RASGRP3: variants seen among roughly 807,000 people sequenced by gnomAD.
RASGRP3 encodes ras guanyl-releasing protein 3.
In RASGRP3, 54 loss-of-function variants were observed where a neutral mutation model predicts 82.7. The ratio of observed to expected loss-of-function variants is 0.65; its 90% CI spans 0.52 to 0.82. RASGRP3 has a LOEUF of 0.82. Among genes scored for constraint, RASGRP3 ranks in the 40% least tolerant of loss-of-function variants. The pLI, the probability that RASGRP3 is intolerant of heterozygous loss-of-function variation, is 0.00. For missense variants in RASGRP3, 861 were observed against 828.9 expected, an observed-to-expected ratio of 1.04 and a Z score of -0.48; for synonymous variants, 309 against 300.5, an observed-to-expected ratio of 1.03 and a Z score of -0.29.
At chr2:33,546,953 G>T (rs1014083111) in intron 13 of RASGRP3, among the ~76,000 whole-genome samples, 48 of 151,330 alleles carry the variant, frequency 3.2e-4, no homozygotes, top group Non-Finnish European at 8.8e-5. Flanking sequence ...GGAGGCTGAG[G>T]CAGGAGAATC....
At position 33,563,077 on chromosome 2, in the gene RASGRP3, A is replaced by G. The variant is rs991889135; in HGVS notation, c.*340A>G. On this transcript the variant is annotated 3_prime_UTR_variant, in exon 18 of 18. Coordinates refer to ENST00000403687, the MANE Select transcript of RASGRP3 (RefSeq NM_001139488.2). ...TGCATGTACTTGATACTCAGTCTGT[A>G]AACTCAGACTTCGCTTTTTTTGTGA... 9 of 302,076 alleles carry G rather than the reference A, an allele frequency of 3.0e-5. No individual in the cohort carries two copies. The highest frequency in any genetic ancestry group is 1.7e-4 in the African/African-American group (8 of 46,484). 18.7% of individuals were successfully genotyped at this position (302,076 alleles called of 1,614,324 possible). A position where few individuals can be genotyped will look rare whatever the true frequency, so the allele number is the denominator to read the frequency against.
intron 14 of RASGRP3, among the ~76,000 whole-genome samples, chr2:33,550,750 C>T (rs553314621): frequency 1.3e-5 from 2 of 152,160 alleles, no homozygotes; most frequent in Non-Finnish European, 2.9e-5. Flanking sequence ...CGATATTATA[C>T]GCTACCAGAA....
At position 33,548,639 on chromosome 2, in the gene RASGRP3, G is replaced by A. The variant is rs1313569198; in HGVS notation, c.1395-965G>A. Among the ~76,000 whole-genome samples the A allele has an allele frequency of 3.3e-5, 5 of 152,052 alleles. No homozygotes were observed. In the East Asian group the frequency reaches 9.6e-4, roughly 29 times the overall value. ...TGAACTGGAAAGGAAAGGTGTGATC[G>A]CCAGCAAATGCTAATGGACAAAGAA... is the stretch of plus-strand genomic sequence containing the variant. On this transcript the variant is annotated intron_variant, in intron 13 of 17. Transcript: ENST00000403687.
At position 33,499,706 on chromosome 2, in the gene RASGRP3, T is replaced by G. The variant is rs74769260; in HGVS notation, c.-260-12004T>G. On this transcript the variant is annotated intron_variant, in intron 1 of 17. Coordinates refer to ENST00000403687, the MANE Select transcript of RASGRP3 (RefSeq NM_001139488.2). ...TAAGGGTCAACTGATTTGGATCAAA[T>G]CACCTGTGTCTTGAGCTATACTCAG... Among the ~76,000 whole-genome samples the G allele has an allele frequency of 2.1e-3, 318 of 151,912 alleles. 6 individuals carry two copies. In the East Asian group the frequency reaches 0.053, roughly 25 times the overall value.
chr2:33,492,775 T>A (rs1284861342), intron 1 of RASGRP3, among the ~76,000 whole-genome samples: 1 of 152,190 alleles, frequency 6.6e-6, no homozygotes, highest in African/African-American at 2.4e-5. Flanking sequence ...ACCAGCTTGT[T>A]AAGACAGGCC....
intron 1 of RASGRP3, among the ~76,000 whole-genome samples, chr2:33,487,305 G>A (rs894098791): frequency 2.0e-5 from 3 of 152,020 alleles, no homozygotes; most frequent in Non-Finnish European, 2.9e-5. Context: ...CAATAAGGAC[G>A]ACAGATCAGA....
At chr2:33,520,472 A>C (rs970080832) in intron 5 of RASGRP3, 81 bp from the exon 6 acceptor site, 4 of 1,540,372 alleles carry the variant, frequency 2.6e-6, no homozygotes, top group Admixed American at 1.7e-5. Context: ...TGTTAAATGT[A>C]GTCTGTAAAA....
intron 1 of RASGRP3, among the ~76,000 whole-genome samples, chr2:33,508,052 T>A (rs1381392962): frequency 6.6e-6 from 1 of 152,200 alleles, no homozygotes; most frequent in Non-Finnish European, 1.5e-5. Context: ...CCATTGTCTA[T>A]GGGGAATGAT....
chr2:33,553,927 C>T (rs1034619408), intron 14 of RASGRP3, among the ~76,000 whole-genome samples: 13 of 152,096 alleles, frequency 8.5e-5, no homozygotes, highest in African/African-American at 2.4e-4. Flanking sequence ...TTAGTAGTGA[C>T]GGGGTTTCAC....
At chr2:33,488,241 A>G (rs1334158982) in intron 1 of RASGRP3, among the ~76,000 whole-genome samples, 1 of 152,212 alleles carries the variant, frequency 6.6e-6, no homozygotes, top group African/African-American at 2.4e-5. Flanking sequence ...GTTTCTCTCA[A>G]TAAGTGTTAA....
chr2:33,468,983 A>T, intron 2 of RASGRP3, among the ~76,000 whole-genome samples: 1 of 152,080 alleles, frequency 6.6e-6, no homozygotes, highest in East Asian at 1.9e-4. Flanking sequence ...CTGGTAGAGT[A>T]TGAAGGTGCC....
At chr2:33,535,357 G>T (rs1241382927) in intron 11 of RASGRP3, among the ~76,000 whole-genome samples, 1 of 152,226 alleles carries the variant, frequency 6.6e-6, no homozygotes, top group Non-Finnish European at 1.5e-5. Flanking sequence ...TTTATAATGA[G>T]GTTGAGGCTT....
In RASGRP3 at chr2:33,522,036, T is replaced by C. The variant is rs1672084476; in HGVS notation, c.450T>C (p.His150=). The C allele has an allele frequency of 6.2e-7, 1 of 1,613,798 alleles. No individual in the cohort carries two copies. Among genetic ancestry groups the C allele is most frequent in the African/African-American group, 1.3e-5 (1 of 74,930 alleles). Residue 150 remains histidine (H), a synonymous_variant, in exon 7 of 18, where the codon CAT becomes CAC. Coordinates refer to ENST00000403687, the MANE Select transcript of RASGRP3 (RefSeq NM_001139488.2). ...KKGKACLLFD[H]LEPIELAEHL... ...GAAAAGCCTGTCTGCTGTTTGACCA[T>C]CTGGAGCCCATTGAATTGGCTGAGC...
chr2:33,517,357 C>G (rs1671566948), intron 4 of RASGRP3, among the ~76,000 whole-genome samples: 1 of 152,194 alleles, frequency 6.6e-6, no homozygotes. Context: ...ATTATACAAT[C>G]TCTAATGTCA....
chr2:33,521,431 A>G (rs1360831112), intron 6 of RASGRP3, among the ~76,000 whole-genome samples: 1 of 152,212 alleles, frequency 6.6e-6, no homozygotes, highest in Non-Finnish European at 1.5e-5. Flanking sequence ...TACTTCTTCA[A>G]TAGTAATCAA....
intron 13 of RASGRP3, among the ~76,000 whole-genome samples, chr2:33,547,568 CAG>C (rs948607233): frequency 1.3e-5 from 2 of 151,926 alleles, no homozygotes; most frequent in Middle Eastern, 3.2e-3. Flanking sequence ...TTGATTGAGA[CAG>C]AGAGTGGATC....
intron 13 of RASGRP3, among the ~76,000 whole-genome samples, chr2:33,548,596 G>A (rs1412002242): frequency 2.0e-5 from 3 of 152,224 alleles, no homozygotes; most frequent in East Asian, 3.9e-4. Context: ...AGAGGACATA[G>A]GAGGTAGAAA....
At chr2:33,520,472 A>G in intron 5 of RASGRP3, 81 bp from the exon 6 acceptor site, 8 of 1,540,490 alleles carry the variant, frequency 5.2e-6, no homozygotes, top group South Asian at 1.2e-5. Flanking sequence ...TGTTAAATGT[A>G]GTCTGTAAAA....
intron 2 of RASGRP3, among the ~76,000 whole-genome samples, chr2:33,455,600 CT>C (rs1175094395): frequency 4.6e-5 from 7 of 152,358 alleles, no homozygotes; most frequent in African/African-American, 1.7e-4. Context: ...TGGGAAAGTG[CT>C]GCCAAAGGCA....
Sources: allele counts gnomAD v4.1 joint callset (sites outside exome capture counted in the v4.1 genomes callset), GRCh38; gene constraint gnomAD v4.1.1; transcripts MANE v1.5; gene names NCBI Gene and HGNC (gene_info 2026-07-23, HGNC 2026-07-21).